AMBRA1: variants seen among roughly 807,000 people sequenced by gnomAD.
The protein encoded by AMBRA1 is activating molecule in BECN1-regulated autophagy protein 1.
Under a neutral mutation model 125.4 loss-of-function variants are expected in AMBRA1, and 47 were observed. The ratio of observed to expected loss-of-function variants is 0.37; its 90% CI spans 0.30 to 0.48. The LOEUF is 0.48. Among genes scored for constraint, AMBRA1 ranks in the 20% least tolerant of loss-of-function variants. AMBRA1 has a pLI of 0.99. For synonymous variants in AMBRA1, 626 were observed against 655.5 expected, an observed-to-expected ratio of 0.95 and a Z score of 0.69; for missense variants, 1,331 against 1,693.4, an observed-to-expected ratio of 0.79 and a Z score of 3.76.
chr11:46,522,241 T>C lies in AMBRA1; in HGVS notation c.2073-9428A>G, dbSNP rs577476360. 1.4e-3 allele frequency among the ~76,000 whole-genome samples: 220 copies of C among 152,354 alleles called. 1 individual carries two copies. Among genetic ancestry groups the C allele is most frequent in the Middle Eastern group, 0.01 (3 of 294 alleles). On this transcript the variant is annotated intron_variant, in intron 7 of 17. Coordinates refer to ENST00000683756, the MANE Select transcript of AMBRA1 (RefSeq NM_001387011.1). The stretch of plus-strand genomic sequence containing the variant: ...TTAATACATGGGTAGTTATTTTTAA[T>C]ACATTTGTAAGATGACTGGTTGGCA...
chr11:46,479,768 T>C (rs1949982160), intron 11 of AMBRA1, among the ~76,000 whole-genome samples: 1 of 152,118 alleles, frequency 6.6e-6, no homozygotes, highest in Non-Finnish European at 1.5e-5. Context: ...AGACAAGTCA[T>C]CCCAGCTGAA....
intron 7 of AMBRA1, among the ~76,000 whole-genome samples, chr11:46,516,103 T>G (rs1951469006): frequency 6.6e-6 from 1 of 152,160 alleles, no homozygotes; most frequent in African/African-American, 2.4e-5. Flanking sequence ...TCTGATGAGG[T>G]TCTTTTGGAA....
intron 1 of AMBRA1, among the ~76,000 whole-genome samples, chr11:46,569,201 T>C (rs192730035): frequency 7.3e-6 from 1 of 137,330 alleles, no homozygotes; most frequent in Admixed American, 7.9e-5. Context: ...AATGGGATTA[T>C]ATATACCACA....
chr11:46,516,134 T>C (rs930866038), intron 7 of AMBRA1, among the ~76,000 whole-genome samples: 1 of 152,188 alleles, frequency 6.6e-6, no homozygotes, highest in African/African-American at 2.4e-5. Flanking sequence ...CTGTGCCTAC[T>C]TACTACGGAA....
In AMBRA1 at chr11:46,512,791, T is replaced by C. The variant is rs1951316029; in HGVS notation, c.2095A>G (p.Ile699Val). 6.2e-7 allele frequency: 1 copy of C among 1,613,046 alleles called. No homozygotes were observed. The highest frequency in any genetic ancestry group is 2.2e-5 in the East Asian group (1 of 44,800). Residue 699 changes from isoleucine (I) to valine (V), a missense_variant, in exon 8 of 18, where the codon ATT (isoleucine) becomes GTT (valine). Physicochemically the swap from Ile to Val is conservative, Grantham distance 29. Transcript: ENST00000683756. The stretch of plus-strand genomic sequence containing the variant: ...GCTCCATCATAACGGGATAATGAAA[T>C]GAGGGAAGATTCCAGCAGCCTCCTA... ...LRRRLLESSL[I>V]SLSRYDGAGS...
chr11:46,549,271 A>T (rs866515479), intron 1 of AMBRA1, among the ~76,000 whole-genome samples: 1 of 152,244 alleles, frequency 6.6e-6, no homozygotes, highest in African/African-American at 2.4e-5. Flanking sequence ...ATGGTATTTC[A>T]AAAGAATATC....
chr11:46,577,337 C>T (rs902068344), intron 1 of AMBRA1, among the ~76,000 whole-genome samples: 3 of 152,050 alleles, frequency 2.0e-5, no homozygotes, highest in Admixed American at 6.6e-5. Flanking sequence ...CAAAACATTA[C>T]GCTAAGTCAA....
rs190001242 is a variant in AMBRA1, at chr11:46,423,179, G to C, written c.2977-5127C>G. The stretch of plus-strand genomic sequence containing the variant: ...CAGGCTGAGAAATGCACATATCCTA[G>C]AGTGGCAGTGGGAGAAATACCTTGG... On this transcript the variant is annotated intron_variant, in intron 14 of 17. Transcript: ENST00000683756. Among the ~76,000 whole-genome samples, 258 of 152,286 alleles carry C rather than the reference G, an allele frequency of 1.7e-3. 3 individuals are homozygous for C. Among genetic ancestry groups the C allele is most frequent in the Non-Finnish European group, 2.5e-3 (172 of 68,026 alleles).
intron 1 of AMBRA1, among the ~76,000 whole-genome samples, chr11:46,550,424 C>G (rs952256386): frequency 6.6e-6 from 1 of 152,110 alleles, no homozygotes; most frequent in Non-Finnish European, 1.5e-5. Flanking sequence ...AGAGCCAGAC[C>G]TCTCTTTATA....
intron 1 of AMBRA1, among the ~76,000 whole-genome samples, chr11:46,569,136 A>G (rs2043654658): frequency 6.7e-6 from 1 of 150,224 alleles, no homozygotes; most frequent in Non-Finnish European, 1.5e-5. Context: ...AACCTTATAA[A>G]CTCATACTTC....
intron 11 of AMBRA1, among the ~76,000 whole-genome samples, chr11:46,471,869 A>C (rs1421998152): frequency 2.0e-5 from 3 of 151,838 alleles, no homozygotes; most frequent in African/African-American, 7.3e-5. Context: ...CTCATGATCC[A>C]CCCACCTCGG....
In AMBRA1 at chr11:46,583,673, A is replaced by C. The variant is rs535901329; in HGVS notation, c.-121+10155T>G. ...TTTCCAAAAAAAAAAAAAAAAAAAA[A>C]AAAAAACAACAAAACAACCCCATCA... On this transcript the variant is annotated intron_variant, in intron 1 of 17. Transcript: ENST00000683756. 3.4e-4 allele frequency among the ~76,000 whole-genome samples: 50 copies of C among 146,472 alleles called. 1 individual carries two copies. In the East Asian group the frequency reaches 8.6e-3, roughly 25 times the overall value.
chr11:46,535,047 G>C (rs1952402228), intron 7 of AMBRA1, among the ~76,000 whole-genome samples: 1 of 152,062 alleles, frequency 6.6e-6, no homozygotes, highest in South Asian at 2.1e-4. Flanking sequence ...AAATAAGTTT[G>C]TTAATTCCAC....
intron 11 of AMBRA1, among the ~76,000 whole-genome samples, chr11:46,449,709 A>G (rs1948478314): frequency 1.3e-5 from 2 of 152,236 alleles, no homozygotes; most frequent in African/African-American, 4.8e-5. Flanking sequence ...GACCCAGAAT[A>G]GCCAACACAA....
chr11:46,399,584 C>T (rs1315034029), intron 17 of AMBRA1, among the ~76,000 whole-genome samples: 2 of 152,098 alleles, frequency 1.3e-5, no homozygotes, highest in Non-Finnish European at 2.9e-5. Flanking sequence ...AGGCTGCTCT[C>T]GACCTCCTGA....
intron 1 of AMBRA1, among the ~76,000 whole-genome samples, chr11:46,559,762 A>C (rs2043271256): frequency 6.6e-6 from 1 of 152,194 alleles, no homozygotes; most frequent in African/African-American, 2.4e-5. Flanking sequence ...TTAATAACTG[A>C]TTTTTATCGC....
At chr11:46,434,753 G>T in intron 13 of AMBRA1, 96 bp downstream of exon 13, 1 of 1,319,540 alleles carries the variant, frequency 7.6e-7, no homozygotes, top group South Asian at 1.6e-5. Flanking sequence ...GGCAGTATGT[G>T]ACCATTACTC....
At chr11:46,403,687 A>G (rs1237312910) in intron 17 of AMBRA1, among the ~76,000 whole-genome samples, 1 of 152,200 alleles carries the variant, frequency 6.6e-6, no homozygotes, top group African/African-American at 2.4e-5. Flanking sequence ...AAAGTTGAAC[A>G]TGCAAAAAAG....
chr11:46,485,234 G>C (rs566160692), intron 11 of AMBRA1, among the ~76,000 whole-genome samples: 4 of 152,180 alleles, frequency 2.6e-5, no homozygotes. Flanking sequence ...CCCTATGCCC[G>C]GCCTCAAGAA....
Sources: gnomAD v4.1 joint callset for allele counts (sites outside exome capture counted in the v4.1 genomes callset) on GRCh38, gnomAD v4.1.1 for gene constraint, MANE v1.5 for transcripts, NCBI Gene and HGNC (gene_info 2026-07-23, HGNC 2026-07-21) for gene names.